Variants in BMPER observed in about 807,000 individuals in gnomAD.
BMPER encodes the protein BMP-binding endothelial regulator protein.
In BMPER, 45 loss-of-function variants were observed where a neutral mutation model predicts 87.3. The ratio of observed to expected loss-of-function variants is 0.52; its 90% CI spans 0.41 to 0.66. The LOEUF (loss-of-function observed/expected upper bound fraction) is 0.66. Among genes scored for constraint, BMPER ranks in the 30% least tolerant of loss-of-function variants. The pLI is 0.00. For missense variants in BMPER, 784 were observed against 867.5 expected (o/e 0.90, Z 1.21); for synonymous variants, 326 against 316.2 (o/e 1.03, Z -0.33).
At chr7:33,977,447 A>G (rs1785715647) in intron 6 of BMPER, among the ~76,000 whole-genome samples, 1 of 152,154 alleles carries the variant, frequency 6.6e-6, no homozygotes, top group Non-Finnish European at 1.5e-5. Flanking sequence ...AAGCTTTGGC[A>G]TGTGAGGTGC....
At position 34,155,809 on chromosome 7, in the gene BMPER, T is replaced by C. The variant is rs1791291672; in HGVS notation, c.*2536T>C. On this transcript the variant is annotated 3_prime_UTR_variant, in exon 15 of 15. Coordinates refer to ENST00000649409, the MANE Select transcript of BMPER (RefSeq NM_001365308.1). ...TTCATTCACATGGGATGTTTTCAAT[T>C]GGTTCTTCAACTAAGCTCTTGCAGA... is the stretch of plus-strand genomic sequence containing the variant. 1 of 152,202 alleles carries C rather than the reference T, an allele frequency of 6.6e-6. No individual in the cohort carries two copies. The highest frequency in any genetic ancestry group is 2.4e-5 in the African/African-American group (1 of 41,456). The allele number at this position is 152,202 out of a possible 1,614,324, so 9.4% of individuals were successfully genotyped here.
rs540532808 is a variant in BMPER at position 34,008,787 on chromosome 7, G to C, written c.576+34003G>C. Among the ~76,000 whole-genome samples, 9 of 151,896 alleles carry C rather than the reference G, an allele frequency of 5.9e-5. No homozygotes were observed. In the South Asian group the frequency reaches 1.9e-3, roughly 32 times the overall value. On this transcript the variant is annotated intron_variant, in intron 6 of 14. Coordinates refer to ENST00000649409, the MANE Select transcript of BMPER (RefSeq NM_001365308.1). The stretch of plus-strand genomic sequence containing the variant: ...TTGGAGTTCATATAGATAGCATCTT[G>C]TTAGGGAAGTATCCACTCAGCCCTA...
At position 33,974,691 on chromosome 7, in the gene BMPER, C is replaced by G. The variant is rs1343036244; in HGVS notation, c.494-11C>G. Reference sequence around the variant, plus strand: ...TGTTGCCCTAATTCTAAACTCTTGTCTGCTTTCCAGGCTGTGTGTTTGAGG... The same window carrying G: ...TGTTGCCCTAATTCTAAACTCTTGTGTGCTTTCCAGGCTGTGTGTTTGAGG... On this transcript the variant is annotated splice_polypyrimidine_tract_variant and intron_variant, in intron 5 of 14. Coordinates refer to ENST00000649409, the MANE Select transcript of BMPER (RefSeq NM_001365308.1). 1 of 1,613,536 alleles carries G rather than the reference C, an allele frequency of 6.2e-7. No individual in the cohort carries two copies. Among genetic ancestry groups the G allele is most frequent in the Admixed American group, 1.7e-5 (1 of 59,994 alleles).
intron 3 of BMPER, among the ~76,000 whole-genome samples, chr7:33,955,970 G>A (rs1410160528): frequency 1.3e-5 from 2 of 152,040 alleles, no homozygotes; most frequent in African/African-American, 4.8e-5. Flanking sequence ...AAGAAGGCTA[G>A]CTTTTTAAAC....
chr7:34,085,001 A>G (rs1430000343), intron 12 of BMPER, among the ~76,000 whole-genome samples: 3 of 152,202 alleles, frequency 2.0e-5, no homozygotes, highest in Non-Finnish European at 4.4e-5. Flanking sequence ...GCACAAGAAG[A>G]ACTCTTGCCC....
chr7:34,047,414 G>T lies in BMPER; in HGVS notation c.676+1009G>T, dbSNP rs1034014907. On this transcript the variant is annotated intron_variant, in intron 7 of 14. Transcript: ENST00000649409. ...GTGCTTCAGCCTCCCAAGTAGCTGGGACTACAGGCACGTGCCACCACACCC... is the reference window on the plus strand; with the variant it reads ...GTGCTTCAGCCTCCCAAGTAGCTGGTACTACAGGCACGTGCCACCACACCC... 7.9e-5 allele frequency among the ~76,000 whole-genome samples: 12 copies of T among 152,036 alleles called. No individual in the cohort carries two copies. The East Asian group carries it at 2.3e-3, about 29-fold the overall frequency.
intron 2 of BMPER, among the ~76,000 whole-genome samples, chr7:33,908,740 A>T (rs1031504914): frequency 6.6e-6 from 1 of 152,182 alleles, no homozygotes; most frequent in African/African-American, 2.4e-5. Context: ...TAATATTAGG[A>T]CTTTGGCTAT....
intron 5 of BMPER, 106 bp downstream of exon 5, chr7:33,970,525 G>A: frequency 8.6e-7 from 1 of 1,162,344 alleles, no homozygotes; most frequent in Non-Finnish European, 1.3e-6. Context: ...TTACATCTGT[G>A]TACCTAATGG....
intron 13 of BMPER, among the ~76,000 whole-genome samples, chr7:34,142,362 C>T (rs568686197): frequency 6.6e-6 from 1 of 152,150 alleles, no homozygotes; most frequent in Non-Finnish European, 1.5e-5. Flanking sequence ...GAACAAGAAA[C>T]TGTATTATGC....
At chr7:34,131,748 T>C (rs1040139508) in intron 13 of BMPER, among the ~76,000 whole-genome samples, 1 of 152,176 alleles carries the variant, frequency 6.6e-6, no homozygotes, top group Non-Finnish European at 1.5e-5. Context: ...CTAGTATTGT[T>C]CGGCTGCCAA....
intron 3 of BMPER, among the ~76,000 whole-genome samples, chr7:33,954,899 A>AT (rs1330586107): frequency 6.6e-6 from 1 of 151,898 alleles, no homozygotes; most frequent in African/African-American, 2.4e-5. Context: ...GCCTTTATCA[A>AT]TTTTTTTATT....
chr7:33,959,552 C>A (rs1185926241), intron 3 of BMPER, among the ~76,000 whole-genome samples: 5 of 152,088 alleles, frequency 3.3e-5, no homozygotes, highest in African/African-American at 1.2e-4. Context: ...TGGGATTCAG[C>A]CCTGAGCAAT....
intron 13 of BMPER, among the ~76,000 whole-genome samples, chr7:34,102,913 A>G (rs1478120457): frequency 6.6e-6 from 1 of 152,124 alleles, no homozygotes; most frequent in Non-Finnish European, 1.5e-5. Flanking sequence ...TTCGCATGGT[A>G]TGGTCAGGGA....
At chr7:33,909,329 G>A (rs975666039) in intron 2 of BMPER, among the ~76,000 whole-genome samples, 1 of 152,128 alleles carries the variant, frequency 6.6e-6, no homozygotes, top group Non-Finnish European at 1.5e-5. Context: ...CCTATTTGTT[G>A]AGTTAAAGAT....
At chr7:33,923,067 T>C (rs938824611) in intron 2 of BMPER, among the ~76,000 whole-genome samples, 2 of 152,150 alleles carry the variant, frequency 1.3e-5, no homozygotes, top group African/African-American at 2.4e-5. Flanking sequence ...TCTTGGCCAG[T>C]GCCTGCCTGT....
At chr7:33,941,782 T>G (rs188608172) in intron 3 of BMPER, among the ~76,000 whole-genome samples, 1 of 152,214 alleles carries the variant, frequency 6.6e-6, no homozygotes, top group African/African-American at 2.4e-5. Flanking sequence ...CCTCCTGATA[T>G]GTGGCTCAGT....
chr7:34,109,752 CTTGTTTGAGAAA>C (rs1789913607), intron 13 of BMPER, among the ~76,000 whole-genome samples: 1 of 152,188 alleles, frequency 6.6e-6, no homozygotes, highest in Admixed American at 6.5e-5. Context: ...TGCTGCGAAC[CTTGTTTGAGAAA>C]TTCATTTTCT....
In BMPER at chr7:34,153,396, G is replaced by C; in HGVS notation, c.*123G>C. On this transcript the variant is annotated 3_prime_UTR_variant, in exon 15 of 15. Transcript: ENST00000649409. Reference sequence around the variant, plus strand: ...AAACACACACACACAGAGTATATATGTGTATATATATATAGATATATTCAA... The same window carrying C: ...AAACACACACACACAGAGTATATATCTGTATATATATATAGATATATTCAA... 1 of 872,290 alleles carries C rather than the reference G, an allele frequency of 1.1e-6. No individual in the cohort carries two copies. The highest frequency in any genetic ancestry group is 1.8e-6 in the Non-Finnish European group (1 of 541,234). 54.0% of individuals were successfully genotyped at this position (872,290 alleles called of 1,614,324 possible). A position where few individuals can be genotyped will look rare whatever the true frequency, so the allele number is the denominator to read the frequency against.
intron 6 of BMPER, among the ~76,000 whole-genome samples, chr7:34,030,974 A>C (rs572935625): frequency 6.6e-6 from 1 of 151,766 alleles, no homozygotes; most frequent in South Asian, 2.1e-4. Context: ...GACTGAGGTG[A>C]ATGTTGGCAG....
Sources: allele counts gnomAD v4.1 joint callset (sites outside exome capture counted in the v4.1 genomes callset), GRCh38; gene constraint gnomAD v4.1.1; transcripts MANE v1.5; gene names NCBI Gene and HGNC (gene_info 2026-07-23, HGNC 2026-07-21).